The following DRAXIN variants were observed in gnomAD, a reference collection of about 807,000 sequenced individuals.
DRAXIN encodes the protein dorsal inhibitory axon guidance protein, also known as dorsal repulsive axon guidance protein.
In DRAXIN, 27 loss-of-function variants were observed where a neutral mutation model predicts 33.9. The observed-to-expected ratio is 0.80, with a 90% CI of 0.59 to 1.10. The LOEUF is 1.10. Ranked by LOEUF, DRAXIN falls within the 50% of genes least tolerant of loss-of-function variation. The pLI is 0.00. For missense variants in DRAXIN, 371 were observed against 460.8 expected, an observed-to-expected ratio of 0.81 and a Z score of 1.78; for synonymous variants, 178 against 194.0, an observed-to-expected ratio of 0.92 and a Z score of 0.69.
In DRAXIN at chr1:11,719,890, C is replaced by T; in HGVS notation, c.*194C>T. On this transcript the variant is annotated 3_prime_UTR_variant, in exon 7 of 7. Coordinates refer to ENST00000294485, the MANE Select transcript of DRAXIN (RefSeq NM_198545.4). ...GTGCCCAGGAGCCGGCCCGCAGCAC[C>T]TGCACACACGAAGTCCGGACCCACG... 3.4e-6 allele frequency: 2 copies of T among 584,446 alleles called. No homozygotes were observed. Among genetic ancestry groups the T allele is most frequent in the South Asian group, 1.9e-5 (1 of 52,120 alleles). 36.2% of individuals were successfully genotyped at this position (584,446 alleles called of 1,614,324 possible).
At chr1:11,713,339 CCCATGCT>C (rs1641527454) in intron 5 of DRAXIN, among the ~76,000 whole-genome samples, 1 of 152,218 alleles carries the variant, frequency 6.6e-6, no homozygotes, top group Non-Finnish European at 1.5e-5. Flanking sequence ...TCACCACAGC[CCCATGCT>C]GCCTTAAATC....
chr1:11,704,305 C>T lies in DRAXIN; in HGVS notation c.-10-1944C>T, dbSNP rs1641344785. On this transcript the variant is annotated intron_variant, in intron 1 of 6. Coordinates refer to ENST00000294485, the MANE Select transcript of DRAXIN (RefSeq NM_198545.4). This position sits in a 1 kb window ranked among gnomAD's most constrained non-coding sequence, Gnocchi z 4.6. ...GGACATGGACGGGATCCCATATGCG[C>T]TTGGCCTTTCCAGTCACAAGGAGAG... 6.6e-6 allele frequency among the ~76,000 whole-genome samples: 1 copy of T among 152,216 alleles called. No homozygotes were observed. The highest frequency in any genetic ancestry group is 2.1e-4 in the South Asian group (1 of 4,838).
Position 11,720,039 on chromosome 1 carries a change from G to T in DRAXIN, c.*343G>T, listed in dbSNP as rs1641638655. 3.7e-6 allele frequency: 1 copy of T among 269,038 alleles called. No individual in the cohort carries two copies. The highest frequency in any genetic ancestry group is 7.5e-6 in the Non-Finnish European group (1 of 133,606). The allele number at this position is 269,038 out of a possible 1,614,324, so 16.7% of individuals were successfully genotyped here. A position where few individuals can be genotyped will look rare whatever the true frequency, so the allele number is the denominator to read the frequency against. ...AAGAGGCGTTTTTGAGAGTGGAAAA[G>T]AAATTTAAACTTCCCGAAAGAAGGT... On this transcript the variant is annotated 3_prime_UTR_variant, in exon 7 of 7. Coordinates refer to ENST00000294485, the MANE Select transcript of DRAXIN (RefSeq NM_198545.4).
chr1:11,713,653 C>T (rs1430849910), intron 5 of DRAXIN, among the ~76,000 whole-genome samples: 4 of 152,128 alleles, frequency 2.6e-5, no homozygotes, highest in Non-Finnish European at 5.9e-5. Flanking sequence ...CTATGGGAGG[C>T]CGAGGCGGGA....
At chr1:11,716,684 ATTT>A (rs1395417751) in intron 6 of DRAXIN, among the ~76,000 whole-genome samples, 3 of 151,954 alleles carry the variant, frequency 2.0e-5, no homozygotes, top group Admixed American at 2.0e-4. Flanking sequence ...TAATTTAATT[ATTT>A]TTTGAGACAG....
In DRAXIN at chr1:11,691,726, GGCACATCCTCCGGCTGCCCGC is replaced by G. The variant is rs1222252620; in HGVS notation, c.-133_-113del. Reference sequence around the variant, plus strand: ...CTTCCTTCCAGTCCCGCTCAGCCCGGGCACATCCTCCGGCTGCCCGCGCACCTCTCCACGCCGGCCCCGTTC... The same window carrying G: ...CTTCCTTCCAGTCCCGCTCAGCCCGGGCACCTCTCCACGCCGGCCCCGTTC... On this transcript the variant is annotated 5_prime_UTR_variant, in exon 1 of 7. Transcript: ENST00000294485. 4 of 147,490 alleles carry G rather than the reference GGCACATCCTCCGGCTGCCCGC, an allele frequency of 2.7e-5. No individual in the cohort carries two copies. The highest frequency in any genetic ancestry group is 2.2e-4 in the East Asian group (1 of 4,648). 9.1% of individuals were successfully genotyped at this position (147,490 alleles called of 1,614,324 possible).
chr1:11,709,458 G>A lies in DRAXIN; in HGVS notation c.635G>A (p.Arg212Gln), dbSNP rs35500656. The change falls in exon 3 of 7, where the codon CGG becomes CAG. Residue 212 changes from arginine (R) to glutamine (Q), a missense_variant. By Grantham distance (43) the Arg-to-Gln change is conservative. Transcript: ENST00000294485. Reference protein sequence around the residue: ...ESLILPVTSLRPQQAQPRSDG... With the variant: ...ESLILPVTSLQPQQAQPRSDG... ...CTGATCCTGCCCGTCACCTCCCTGC[G>A]GCCCCAGGTAAGGGGTCCCCAAACA... 931 of 1,612,514 alleles carry A rather than the reference G, an allele frequency of 5.8e-4. 4 individuals carry two copies. The African/African-American group carries it at 9.9e-3, about 17-fold the overall frequency.
At chr1:11,702,747 C>CTTTTTTTT (rs33972819) in intron 1 of DRAXIN, among the ~76,000 whole-genome samples, 11 of 145,554 alleles carry the variant, frequency 7.6e-5, no homozygotes, top group Non-Finnish European at 1.1e-4. Flanking sequence ...GGTATGAATT[C>CTTTTTTTT]TTTTTTTTTT....
intron 2 of DRAXIN, among the ~76,000 whole-genome samples, chr1:11,707,520 C>T (rs1016125062): frequency 7.2e-5 from 11 of 152,288 alleles, no homozygotes; most frequent in African/African-American, 2.2e-4. Context: ...CCCTCAGTGT[C>T]GTTGCAGAGA....
chr1:11,713,128 G>A (rs369905812), intron 5 of DRAXIN, among the ~76,000 whole-genome samples: 27 of 152,064 alleles, frequency 1.8e-4, no homozygotes, highest in Admixed American at 7.9e-4. Context: ...AACCCGGGAG[G>A]CGGAGGTTGT....
rs1641249488 is a variant in DRAXIN, at chr1:11,700,061, A to G, written c.-10-6188A>G. On this transcript the variant is annotated intron_variant, in intron 1 of 6. Coordinates refer to ENST00000294485, the MANE Select transcript of DRAXIN (RefSeq NM_198545.4). The stretch of plus-strand genomic sequence containing the variant: ...AGACCAGCCTGACCAACATGGTGAA[A>G]TCCTGTCTCTATTAAAAACACAAAA... Among the ~76,000 whole-genome samples, 4 of 152,184 alleles carry G rather than the reference A, an allele frequency of 2.6e-5. 1 individual carries two copies. Among genetic ancestry groups the G allele is most frequent in the Admixed American group, 2.6e-4 (4 of 15,282 alleles).
At chr1:11,695,906 C>A (rs1280253069) in intron 1 of DRAXIN, among the ~76,000 whole-genome samples, 1 of 152,120 alleles carries the variant, frequency 6.6e-6, no homozygotes, top group Non-Finnish European at 1.5e-5. Flanking sequence ...ATGGGTGGGG[C>A]CTCTGATGAA....
At chr1:11,699,754 C>G (rs1003877107) in intron 1 of DRAXIN, among the ~76,000 whole-genome samples, 2 of 151,444 alleles carry the variant, frequency 1.3e-5, no homozygotes, top group African/African-American at 4.9e-5. Flanking sequence ...TAGTGAAACC[C>G]CGTCTCTACT....
chr1:11,711,954 C>A lies in DRAXIN; in HGVS notation c.746C>A (p.Ala249Glu). ...EDLKPDGWPS[A>E]KKKEKHRGKL... is the part of the protein sequence containing the mutation. The stretch of plus-strand genomic sequence containing the variant: ...TTAAAACCTGATGGTTGGCCCTCTG[C>A]AAAGAAGAAAGGTATGCCCACCTAC... Residue 249 changes from alanine to glutamate, a missense_variant, in exon 4 of 7, where the codon GCA becomes GAA. Transcript: ENST00000294485. The A allele has an allele frequency of 2.5e-6, 4 of 1,612,804 alleles. No individual in the cohort carries two copies. The highest frequency in any genetic ancestry group is 3.4e-6 in the Non-Finnish European group (4 of 1,179,342).
Position 11,721,611 on chromosome 1 carries a change from C to T in DRAXIN, c.*1915C>T, listed in dbSNP as rs977104516. On this transcript the variant is annotated 3_prime_UTR_variant, in exon 7 of 7. Coordinates refer to ENST00000294485, the MANE Select transcript of DRAXIN (RefSeq NM_198545.4). ...TTAAATATGCTTGTTCTCTCCCTAT[C>T]CAAGTTTGATGGGCATGGGAACCTT... The T allele has an allele frequency of 7.2e-5, 11 of 152,344 alleles. No homozygotes were observed. The highest frequency in any genetic ancestry group is 5.2e-4 in the Admixed American group (8 of 15,266). 9.4% of individuals were successfully genotyped at this position (152,344 alleles called of 1,614,324 possible). A position where few individuals can be genotyped will look rare whatever the true frequency, so the allele number is the denominator to read the frequency against.
chr1:11,713,391 C>T (rs1027801359), intron 5 of DRAXIN, among the ~76,000 whole-genome samples: 1 of 152,206 alleles, frequency 6.6e-6, no homozygotes, highest in African/African-American at 2.4e-5. Context: ...CCTCCTGACA[C>T]CAGGCAGGGC....
intron 6 of DRAXIN, among the ~76,000 whole-genome samples, chr1:11,716,322 T>G (rs766809312): frequency 6.6e-6 from 1 of 152,264 alleles, no homozygotes; most frequent in Non-Finnish European, 1.5e-5. Context: ...TCCGACATGA[T>G]TTCTAAGCAA....
At chr1:11,702,070 T>G (rs1641283566) in intron 1 of DRAXIN, among the ~76,000 whole-genome samples, 2 of 145,534 alleles carry the variant, frequency 1.4e-5, no homozygotes, top group African/African-American at 5.2e-5. Context: ...ACACATACGC[T>G]CACACATGCT....
upstream of DRAXIN, among the ~76,000 whole-genome samples, chr1:11,686,807 TAA>T (rs560855200): frequency 7.2e-3 from 747 of 104,460 alleles, 8 homozygotes; most frequent in African/African-American, 0.023. Flanking sequence ...ACTGCCACTT[TAA>T]AAAAAAAAAA....
Sources: gnomAD v4.1 joint callset for allele counts (sites outside exome capture counted in the v4.1 genomes callset) on GRCh38, gnomAD v4.1.1 for gene constraint, Gnocchi (gnomAD v3.1) non-coding constraint, MANE v1.5 for transcripts, NCBI Gene and HGNC (gene_info 2026-07-23, HGNC 2026-07-21) for gene names.